Variants in TRPM3 observed in about 807,000 individuals in gnomAD.
TRPM3 encodes the protein long transient receptor potential channel 3.
Under a neutral mutation model 181.2 loss-of-function variants are expected in TRPM3, and 77 were observed. That is an observed-to-expected ratio of 0.42 (90% CI 0.35 to 0.51). The LOEUF is 0.51. Among genes scored for constraint, TRPM3 ranks in the 20% least tolerant of loss-of-function variants. The probability of loss-of-function intolerance (pLI) is 0.01; values close to 1 mark genes in which losing one functional copy is unlikely to be tolerated. For missense variants in TRPM3, 1,759 were observed against 2,196.7 expected, an observed-to-expected ratio of 0.80 and a Z score of 3.98; for synonymous variants, 745 against 796.4, an observed-to-expected ratio of 0.94 and a Z score of 1.09.
At chr9:70,770,073 C>CT (rs2079926130) in intron 7 of TRPM3, among the ~76,000 whole-genome samples, 1 of 151,692 alleles carries the variant, frequency 6.6e-6, no homozygotes, top group Non-Finnish European at 1.5e-5. Context: ...TTATTGGTCT[C>CT]TATCTTTATC....
chr9:71,197,164 C>T (rs2078437044), intron 1 of TRPM3, among the ~76,000 whole-genome samples: 1 of 151,974 alleles, frequency 6.6e-6, no homozygotes, highest in South Asian at 2.1e-4. Context: ...AAGGATGATT[C>T]CCAATTTCAT....
intron 1 of TRPM3, among the ~76,000 whole-genome samples, chr9:71,328,848 C>T (rs1272685773): frequency 6.6e-6 from 1 of 152,232 alleles, no homozygotes; most frequent in Non-Finnish European, 1.5e-5. Flanking sequence ...ATTATAACTG[C>T]TACCTTCAAT....
intron 1 of TRPM3, among the ~76,000 whole-genome samples, chr9:71,083,675 C>A (rs2064778833): frequency 6.7e-6 from 1 of 149,838 alleles, no homozygotes; most frequent in East Asian, 2.0e-4. Context: ...TTTATTGTAA[C>A]CAGTGTTGCA....
chr9:71,374,162 G>A (rs934526303), intron 1 of TRPM3, among the ~76,000 whole-genome samples: 1 of 152,126 alleles, frequency 6.6e-6, no homozygotes, highest in Non-Finnish European at 1.5e-5. Flanking sequence ...GATCACCTGA[G>A]GTCAGGAGTT....
chr9:70,595,140 T>C (rs974442134), intron 21 of TRPM3, among the ~76,000 whole-genome samples: 5 of 152,230 alleles, frequency 3.3e-5, no homozygotes, highest in African/African-American at 9.6e-5. Flanking sequence ...ATTATTAAGA[T>C]GATAGACGTG....
At chr9:71,355,551 TTC>T (rs1399610844) in intron 1 of TRPM3, among the ~76,000 whole-genome samples, 3 of 152,180 alleles carry the variant, frequency 2.0e-5, no homozygotes, top group Non-Finnish European at 4.4e-5. Context: ...GAAAATAAGT[TTC>T]TGTCATTTTC....
chr9:70,577,222 G>T (rs1265813396), intron 22 of TRPM3, among the ~76,000 whole-genome samples: 1 of 152,192 alleles, frequency 6.6e-6, no homozygotes, highest in Admixed American at 6.5e-5. Flanking sequence ...TGCAATAAGT[G>T]GTTGCTAAGT....
At chr9:70,751,939 C>G (rs928273723) in intron 8 of TRPM3, among the ~76,000 whole-genome samples, 1 of 150,906 alleles carries the variant, frequency 6.6e-6, no homozygotes, top group African/African-American at 2.4e-5. Flanking sequence ...GAGGAGTCTT[C>G]TGTTGAGCAT....
intron 1 of TRPM3, among the ~76,000 whole-genome samples, chr9:70,938,458 C>T (rs79859691): frequency 0.027 from 4,090 of 152,226 alleles, 186 homozygotes; most frequent in African/African-American, 0.092. Context: ...GTGAATATGT[C>T]TCTATTTAAT....
chr9:71,412,948 G>T (rs988067963), intron 1 of TRPM3, among the ~76,000 whole-genome samples: 3 of 152,154 alleles, frequency 2.0e-5, no homozygotes, highest in Admixed American at 6.5e-5. Context: ...GTCCTTTGTA[G>T]GGACATGGAT....
At chr9:71,184,638 T>C (rs2077575801) in intron 1 of TRPM3, among the ~76,000 whole-genome samples, 1 of 152,132 alleles carries the variant, frequency 6.6e-6, no homozygotes, top group South Asian at 2.1e-4. Context: ...AACCTAGAAC[T>C]AGCCTTTGGC....
At chr9:71,398,333 T>C (rs1223820846) in intron 1 of TRPM3, among the ~76,000 whole-genome samples, 1 of 152,234 alleles carries the variant, frequency 6.6e-6, no homozygotes, top group Non-Finnish European at 1.5e-5. Context: ...ACACTATTTT[T>C]CCCACAAGGT....
rs558607905 is a variant in TRPM3, at chr9:70,859,324, G to A, written c.462+3584C>T. Among the ~76,000 whole-genome samples, 8 of 152,176 alleles carry A rather than the reference G, an allele frequency of 5.3e-5. 1 individual carries two copies. The South Asian group carries it at 1.7e-3, about 32-fold the overall frequency. ...AGTGTCTATATGTGTCCCCTCTGTG[G>A]AGCACAATGGAAGATCTATCTGCTT... On this transcript the variant is annotated intron_variant, in intron 3 of 25. Transcript: ENST00000677713.
chr9:70,695,853 T>C, intron 8 of TRPM3, among the ~76,000 whole-genome samples: 1 of 152,296 alleles, frequency 6.6e-6, no homozygotes. Context: ...TGGAGAACCA[T>C]GCAGGCGGAA....
intron 1 of TRPM3, among the ~76,000 whole-genome samples, chr9:71,114,308 C>A (rs867589831): frequency 6.6e-6 from 1 of 152,128 alleles, no homozygotes; most frequent in South Asian, 2.1e-4. Context: ...CTATTAAACA[C>A]AAATCTTCTG....
At chr9:70,887,558 G>T (rs898525866) in intron 1 of TRPM3, among the ~76,000 whole-genome samples, 1 of 152,134 alleles carries the variant, frequency 6.6e-6, no homozygotes. Context: ...TACTTCAGGA[G>T]AGTTTTCCTG....
chr9:71,291,986 C>T (rs2085852826), intron 1 of TRPM3, among the ~76,000 whole-genome samples: 1 of 151,798 alleles, frequency 6.6e-6, no homozygotes, highest in African/African-American at 2.4e-5. Flanking sequence ...TTTACTACAA[C>T]AATTAAGTCA....
At chr9:70,937,044 GA>G (rs1408939285) in intron 1 of TRPM3, among the ~76,000 whole-genome samples, 1 of 152,170 alleles carries the variant, frequency 6.6e-6, no homozygotes, top group East Asian at 1.9e-4. Context: ...ACACAATGAA[GA>G]AAAGTGCCAT....
intron 1 of TRPM3, among the ~76,000 whole-genome samples, chr9:71,057,993 T>TA (rs1456444815): frequency 1.3e-5 from 2 of 152,046 alleles, no homozygotes; most frequent in African/African-American, 2.4e-5. Flanking sequence ...AGTCTAGAGT[T>TA]AAAAAGGTCA....
Sources: allele counts gnomAD v4.1 joint callset (sites outside exome capture counted in the v4.1 genomes callset), GRCh38; gene constraint gnomAD v4.1.1; transcripts MANE v1.5; gene names NCBI Gene and HGNC (gene_info 2026-07-23, HGNC 2026-07-21).